FARP1: variants seen among roughly 807,000 people sequenced by gnomAD.
The protein encoded by FARP1 is FERM, ARH/RhoGEF and pleckstrin domain protein 1.
Under a neutral mutation model 128.8 loss-of-function variants are expected in FARP1, and 52 were observed. That is an observed-to-expected ratio of 0.40 (90% CI 0.32 to 0.51). FARP1 has a LOEUF of 0.51. Among genes scored for constraint, FARP1 ranks in the 20% least tolerant of loss-of-function variants. FARP1 has a pLI of 0.45. For missense variants in FARP1, 1,333 were observed against 1,367.9 expected (o/e 0.97, Z 0.40); for synonymous variants, 580 against 551.8 (o/e 1.05, Z -0.72).
At chr13:98,438,753 C>T (rs1369262415) in intron 19 of FARP1, 51 bp from the exon 20 acceptor site, 2 of 1,494,028 alleles carry the variant, frequency 1.3e-6, no homozygotes, top group African/African-American at 1.4e-5. Flanking sequence ...GGCCGTCAGC[C>T]CTTGGGGTCC....
At chr13:98,224,517 ACT>A (rs1326349579) in intron 2 of FARP1, among the ~76,000 whole-genome samples, 27 of 123,268 alleles carry the variant, frequency 2.2e-4, no homozygotes, top group African/African-American at 8.4e-4. Context: ...ACAGAGTGAG[ACT>A]CTGTCTCAAA....
chr13:98,188,457 A>C (rs777603161), intron 1 of FARP1, among the ~76,000 whole-genome samples: 3 of 152,092 alleles, frequency 2.0e-5, no homozygotes, highest in Non-Finnish European at 4.4e-5. Context: ...GCTACTCGGG[A>C]GGCTGAGGCA....
chr13:98,254,879 G>C (rs1883509075), intron 2 of FARP1, among the ~76,000 whole-genome samples: 1 of 151,996 alleles, frequency 6.6e-6, no homozygotes, highest in African/African-American at 2.4e-5. Context: ...AGAACCACTA[G>C]CTTGGCTGTA....
At position 98,152,069 on chromosome 13, in the gene FARP1, T is replaced by C. The variant is rs534179241; in HGVS notation, c.-24+8577T>C. ...TGCAAGTGGCAGAATGTCTGACTAA[T>C]AGCAGTTTCAGCCATCAAATACTGA... On this transcript the variant is annotated intron_variant, in intron 1 of 26. Coordinates refer to ENST00000319562, the MANE Select transcript of FARP1 (RefSeq NM_005766.4). Among the ~76,000 whole-genome samples the C allele has an allele frequency of 1.1e-4, 16 of 152,272 alleles. No homozygotes were observed. In the East Asian group the frequency reaches 1.7e-3, roughly 17 times the overall value.
chr13:98,265,270 T>G (rs1211193253), intron 2 of FARP1, among the ~76,000 whole-genome samples: 6 of 150,872 alleles, frequency 4.0e-5, no homozygotes, highest in African/African-American at 1.2e-4. Flanking sequence ...TGCTGGTTAG[T>G]GCATGACATA....
chr13:98,277,149 C>CACACACACACA (rs1566824323), intron 2 of FARP1, among the ~76,000 whole-genome samples: 42 of 113,276 alleles, frequency 3.7e-4, no homozygotes, highest in South Asian at 1.3e-3. Flanking sequence ...CACACACACA[C>CACACACACACA]CCCATATGTA....
At chr13:98,218,398 C>T (rs1021451305) in intron 2 of FARP1, among the ~76,000 whole-genome samples, 2 of 152,168 alleles carry the variant, frequency 1.3e-5, no homozygotes, top group African/African-American at 2.4e-5. Flanking sequence ...AAATTAGGCA[C>T]TGGGGCCTGA....
At chr13:98,212,610 A>T (rs1880796732) in intron 1 of FARP1, among the ~76,000 whole-genome samples, 1 of 149,634 alleles carries the variant, frequency 6.7e-6, no homozygotes. Context: ...GGAAAGGGGA[A>T]ATAGTTGGGG....
At position 98,295,673 on chromosome 13, in the gene FARP1, AT is replaced by A. The variant is rs1195508285; in HGVS notation, c.172-48086del. The stretch of plus-strand genomic sequence containing the variant: ...AGAATGGTTCAAATAATAAAGAGAC[AT>A]TTGGAATTTTCTTCCCAGCCTAAAG... On this transcript the variant is annotated intron_variant, in intron 2 of 26. Transcript: ENST00000319562. Among the ~76,000 whole-genome samples, 5 of 152,214 alleles carry A rather than the reference AT, an allele frequency of 3.3e-5. No individual in the cohort carries two copies. In the South Asian group the frequency reaches 8.3e-4, roughly 25 times the overall value.
chr13:98,448,656 A>G lies in FARP1; in HGVS notation c.*339A>G, dbSNP rs1893018179. ...CATCCGTTCAACACAAGACAGGGCA[A>G]GTGTTTTTCTTCCTAAAAAAAGTTC... On this transcript the variant is annotated 3_prime_UTR_variant, in exon 27 of 27. Transcript: ENST00000319562. 1 of 210,410 alleles carries G rather than the reference A, an allele frequency of 4.8e-6. No individual in the cohort carries two copies. The allele number at this position is 210,410 out of a possible 1,614,324, so 13.0% of individuals were successfully genotyped here.
rs1390904574 is a variant in FARP1, at chr13:98,182,059, A to C, written c.-23-31161A>C. Among the ~76,000 whole-genome samples the C allele has an allele frequency of 5.3e-5, 8 of 150,418 alleles. No homozygotes were observed. The East Asian group carries it at 1.7e-3, about 32-fold the overall frequency. ...TTCTTATAAACTATGAGTTTGTGAG[A>C]CTCTCTCCTTTGAAAGCTAAAAAAA... On this transcript the variant is annotated intron_variant, in intron 1 of 26. Transcript: ENST00000319562.
intron 10 of FARP1, 55 bp downstream of exon 10, chr13:98,390,175 T>A: frequency 1.9e-6 from 3 of 1,566,916 alleles, no homozygotes; most frequent in Non-Finnish European, 1.7e-6. Flanking sequence ...TCCTCCCGCC[T>A]CTCACAGCCG....
intron 2 of FARP1, among the ~76,000 whole-genome samples, chr13:98,249,221 G>A (rs1378216228): frequency 2.6e-5 from 4 of 152,098 alleles, no homozygotes; most frequent in Non-Finnish European, 5.9e-5. Flanking sequence ...ACCCATGGGT[G>A]CTCATTTAGA....
rs546877283 is a variant in FARP1 at position 98,320,216 on chromosome 13, G to T, written c.172-23546G>T. Among the ~76,000 whole-genome samples the T allele has an allele frequency of 9.8e-5, 15 of 152,314 alleles. No homozygotes were observed. In the South Asian group the frequency reaches 2.3e-3, roughly 23 times the overall value. On this transcript the variant is annotated intron_variant, in intron 2 of 26. Coordinates refer to ENST00000319562, the MANE Select transcript of FARP1 (RefSeq NM_005766.4). ...TGGAGTCAAGGCTCACAAGGAGAGA[G>T]AAAATTATTTTATCAGTTGTAGTTC... is the stretch of plus-strand genomic sequence containing the variant.
intron 1 of FARP1, among the ~76,000 whole-genome samples, chr13:98,199,848 G>A (rs1159607186): frequency 6.6e-6 from 1 of 152,184 alleles, no homozygotes; most frequent in Non-Finnish European, 1.5e-5. Context: ...GGTAGAATGA[G>A]GGGTGAGCTA....
chr13:98,452,565 A>G lies in FARP1; in HGVS notation c.*4248A>G, dbSNP rs1207143061. The G allele has an allele frequency of 6.5e-6, 1 of 152,706 alleles. No homozygotes were observed. The highest frequency in any genetic ancestry group is 1.5e-5 in the Non-Finnish European group (1 of 68,070). 9.5% of individuals were successfully genotyped at this position (152,706 alleles called of 1,614,324 possible). ...CCTGCAAATACAAAATAAAACCCAA[A>G]TCACTGGTCACAGAATTCAAAATGT... On this transcript the variant is annotated 3_prime_UTR_variant, in exon 27 of 27. Transcript: ENST00000319562.
intron 18 of FARP1, 153 bp from the exon 19 acceptor site, chr13:98,435,423 T>C (rs1892215933): frequency 3.0e-6 from 2 of 675,722 alleles, no homozygotes; most frequent in Admixed American, 6.5e-5. Context: ...CAATTTTTAT[T>C]ATAGAGAAAT....
chr13:98,264,554 G>A (rs1245002098), intron 2 of FARP1, among the ~76,000 whole-genome samples: 1 of 152,186 alleles, frequency 6.6e-6, no homozygotes, highest in African/African-American at 2.4e-5. Context: ...CAAGGCACAA[G>A]AGTAGTGATG....
intron 1 of FARP1, among the ~76,000 whole-genome samples, chr13:98,161,464 G>C (rs561626647): frequency 2.6e-5 from 4 of 151,968 alleles, no homozygotes; most frequent in Non-Finnish European, 5.9e-5. Context: ...AGATCCGCCC[G>C]CCTCGGCCTT....
Sources: allele counts gnomAD v4.1 joint callset (sites outside exome capture counted in the v4.1 genomes callset), GRCh38; gene constraint gnomAD v4.1.1; transcripts MANE v1.5; gene names NCBI Gene and HGNC (gene_info 2026-07-23, HGNC 2026-07-21).